Variants in METTL9 observed in about 807,000 individuals in gnomAD.
The protein encoded by METTL9 is methyltransferase 9, His-X-His N1(pi)-histidine.
In METTL9, 10 loss-of-function variants were observed where a neutral mutation model predicts 36.0. The ratio of observed to expected loss-of-function variants is 0.28; its 90% confidence interval spans 0.17 to 0.47. The LOEUF is 0.47. Among genes scored for constraint, METTL9 ranks in the 20% least tolerant of loss-of-function variants. The pLI is 0.99. For synonymous variants in METTL9, 175 were observed against 149.7 expected, an observed-to-expected ratio of 1.17 and a Z score of -1.23; for missense variants, 246 against 383.5, an observed-to-expected ratio of 0.64 and a Z score of 3.00.
At chr16:21,651,079 C>T (rs1274460853) in intron 4 of METTL9, among the ~76,000 whole-genome samples, 3 of 151,976 alleles carry the variant, frequency 2.0e-5, no homozygotes, top group African/African-American at 7.3e-5. Flanking sequence ...AAAAATTAGC[C>T]GGGTGTGGTG....
At chr16:21,639,210 C>A (rs1300512231) in intron 4 of METTL9, among the ~76,000 whole-genome samples, 3 of 152,168 alleles carry the variant, frequency 2.0e-5, no homozygotes, top group Non-Finnish European at 4.4e-5. Flanking sequence ...AGGAATGGAA[C>A]TCTTTGCGAA....
At chr16:21,635,668 G>T (rs755829986) in intron 4 of METTL9, among the ~76,000 whole-genome samples, 1 of 152,058 alleles carries the variant, frequency 6.6e-6, no homozygotes, top group African/African-American at 2.4e-5. Context: ...AAAATGAGCC[G>T]CTTCTTTTTC....
chr16:21,612,516 T>A, intron 1 of METTL9, 129 bp from the exon 2 acceptor site: 1 of 797,026 alleles, frequency 1.3e-6, no homozygotes, highest in East Asian at 3.1e-5. Context: ...ATTCTCAGAG[T>A]ATCATGAGAT....
rs552516164 is a variant in METTL9 at position 21,608,073 on chromosome 16, C to G, written c.166-4572C>G. On this transcript the variant is annotated intron_variant, in intron 1 of 4. Coordinates refer to ENST00000358154, the MANE Select transcript of METTL9 (RefSeq NM_016025.5). ...CTCAGGCGAGAGAATCACTTGAACC[C>G]GGCAGGCAGAGGTTGCAGAGAGCCT... Among the ~76,000 whole-genome samples, 20 of 151,948 alleles carry G rather than the reference C, an allele frequency of 1.3e-4. No individual in the cohort carries two copies. In the East Asian group the frequency reaches 3.7e-3, roughly 28 times the overall value.
At chr16:21,655,160 TC>T in intron 4 of METTL9, 66 bp from the exon 5 acceptor site, 1 of 1,448,750 alleles carries the variant, frequency 6.9e-7, no homozygotes, top group Non-Finnish European at 9.5e-7. Flanking sequence ...ATATGGCTCC[TC>T]CCTGCTTCCC....
In METTL9 at chr16:21,599,871, C is replaced by G. The variant is rs1965061663; in HGVS notation, c.138C>G (p.Ala46=). 2 of 1,479,418 alleles carry G rather than the reference C, an allele frequency of 1.4e-6. No homozygotes were observed. Among genetic ancestry groups the G allele is most frequent in the Non-Finnish European group, 1.8e-6 (2 of 1,119,220 alleles). 91.6% of individuals were successfully genotyped at this position (1,479,418 alleles called of 1,614,324 possible). ...MTSGPGGPAA[A]AGGRKENHQW... ...GCGGCCCGGGTGGGCCGGCGGCGGC[C>G]GCGGGCGGCAGGAAGGAGAACCACC... is the stretch of plus-strand genomic sequence containing the variant. The change falls in exon 1 of 5, where the codon GCC becomes GCG. Residue 46 remains alanine (A), a synonymous_variant. Transcript: ENST00000358154. This position sits in a 1 kb window ranked among gnomAD's most constrained non-coding sequence, Gnocchi z 4.4.
intron 1 of METTL9, among the ~76,000 whole-genome samples, chr16:21,611,820 C>T (rs188393691): frequency 1.3e-5 from 2 of 152,296 alleles, no homozygotes; most frequent in Admixed American, 6.5e-5. Flanking sequence ...TGCTTCCCCA[C>T]CTCTCTGGTA....
intron 4 of METTL9, among the ~76,000 whole-genome samples, chr16:21,641,861 C>A (rs1966280766): frequency 6.6e-6 from 1 of 152,098 alleles, no homozygotes; most frequent in Admixed American, 6.6e-5. Context: ...TGCTTTCAGG[C>A]CACATACCTC....
Position 21,599,994 on chromosome 16 carries a change from G to T in METTL9, c.165+96G>T. 1 of 1,057,214 alleles carries T rather than the reference G, an allele frequency of 9.5e-7. No homozygotes were observed. The allele number at this position is 1,057,214 out of a possible 1,614,324, so 65.5% of individuals were successfully genotyped here. On this transcript the variant is annotated intron_variant, in intron 1 of 4. Transcript: ENST00000358154. This position sits in a 1 kb window ranked among gnomAD's most constrained non-coding sequence, Gnocchi z 4.4. ...TGCGGGACGGCTCCGCGAGGGGGCG[G>T]CCCGGCCCTCGCCCCTCCGCCTCGG... is the stretch of plus-strand genomic sequence containing the variant.
At chr16:21,642,888 T>C (rs968089164) in intron 4 of METTL9, among the ~76,000 whole-genome samples, 3 of 152,200 alleles carry the variant, frequency 2.0e-5, no homozygotes, top group African/African-American at 4.8e-5. Context: ...CTATTTAATA[T>C]TGTATCAGAT....
intron 1 of METTL9, among the ~76,000 whole-genome samples, chr16:21,611,121 A>G (rs533042619): frequency 6.6e-6 from 1 of 152,346 alleles, no homozygotes; most frequent in Non-Finnish European, 1.5e-5. Context: ...AAACAGTTTT[A>G]TATATAAAGT....
At chr16:21,619,412 A>ATCCC (rs1965635923) in intron 3 of METTL9, among the ~76,000 whole-genome samples, 1 of 103,920 alleles carries the variant, frequency 9.6e-6, no homozygotes, top group South Asian at 3.9e-4. Context: ...AGTTTGAAAG[A>ATCCC]CTAGGAAGAA....
In METTL9 at chr16:21,601,729, C is replaced by CTGTGTGTGTG. The variant is rs57264395; in HGVS notation, c.165+1855_165+1864dup. On this transcript the variant is annotated intron_variant, in intron 1 of 4. Coordinates refer to ENST00000358154, the MANE Select transcript of METTL9 (RefSeq NM_016025.5). The stretch of plus-strand genomic sequence containing the variant: ...TTATTTCAGATACCGTATTTATATT[C>CTGTGTGTGTG]TGTGTGTGTGTGTGTGTGTGTGTGT... Among the ~76,000 whole-genome samples, 42 of 145,750 alleles carry CTGTGTGTGTG rather than the reference C, an allele frequency of 2.9e-4. 1 individual carries two copies. Among genetic ancestry groups the CTGTGTGTGTG allele is most frequent in the Non-Finnish European group, 5.3e-4 (35 of 66,096 alleles).
At chr16:21,651,918 A>G (rs1966586747) in intron 4 of METTL9, 2 of 152,346 alleles carry the variant, frequency 1.3e-5, no homozygotes, top group South Asian at 4.1e-4. Flanking sequence ...TTTGCCTGAA[A>G]TAACTCCCAT....
intron 1 of METTL9, among the ~76,000 whole-genome samples, chr16:21,607,884 C>T (rs1403078936): frequency 6.6e-6 from 1 of 152,226 alleles, no homozygotes; most frequent in African/African-American, 2.4e-5. Flanking sequence ...CGCAGCGGCT[C>T]ACGCCTGTAA....
At chr16:21,644,953 C>G (rs1165116040) in intron 4 of METTL9, among the ~76,000 whole-genome samples, 1 of 152,178 alleles carries the variant, frequency 6.6e-6, no homozygotes, top group Non-Finnish European at 1.5e-5. Context: ...CAAATGTGCT[C>G]TTCTTTCTTT....
intron 4 of METTL9, among the ~76,000 whole-genome samples, chr16:21,636,013 CT>C (rs966216804): frequency 2.0e-5 from 3 of 152,236 alleles, no homozygotes; most frequent in Admixed American, 6.5e-5. Flanking sequence ...ATTTAGTGGC[CT>C]TTACTGATGC....
chr16:21,630,331 C>T (rs1965925742), intron 4 of METTL9, among the ~76,000 whole-genome samples: 1 of 152,242 alleles, frequency 6.6e-6, no homozygotes, highest in African/African-American at 2.4e-5. Flanking sequence ...CTGCACCTCT[C>T]CCTTCACACC....
chr16:21,643,281 T>A, intron 4 of METTL9: 1 of 705,872 alleles, frequency 1.4e-6, no homozygotes, highest in Non-Finnish European at 2.5e-6. Flanking sequence ...CCAACACATA[T>A]GTGCCTACAG....
Sources: gnomAD v4.1 joint callset for allele counts (sites outside exome capture counted in the v4.1 genomes callset) on GRCh38, gnomAD v4.1.1 for gene constraint, Gnocchi (gnomAD v3.1) non-coding constraint, MANE v1.5 for transcripts, NCBI Gene and HGNC (gene_info 2026-07-23, HGNC 2026-07-21) for gene names.